The following GRIN2B variants were observed in gnomAD, a reference collection of about 807,000 sequenced individuals.
The protein encoded by GRIN2B is glutamate receptor ionotropic, NMDA 2B.
Under a neutral mutation model 114.5 loss-of-function variants are expected in GRIN2B, and 5 were observed. The ratio of observed to expected loss-of-function variants is 0.04; its 90% CI spans 0.02 to 0.09. The LOEUF (loss-of-function observed/expected upper bound fraction) is 0.09, where lower values mean the gene tolerates loss of function less well. Ranked by LOEUF, GRIN2B falls within the 10% of genes least tolerant of loss-of-function variation. The pLI is 1.00. For synonymous variants in GRIN2B, 787 were observed against 745.1 expected (o/e 1.06, Z -0.92); for missense variants, 1,108 against 1,943.5 (o/e 0.57, Z 8.08).
At chr12:13,643,028 A>G (rs1215649707) in intron 5 of GRIN2B, among the ~76,000 whole-genome samples, 1 of 152,212 alleles carries the variant, frequency 6.6e-6, no homozygotes, top group Non-Finnish European at 1.5e-5. Flanking sequence ...ACCACACAAT[A>G]GAGAACTGTC....
intron 10 of GRIN2B, among the ~76,000 whole-genome samples, chr12:13,604,823 G>A (rs1352630140): frequency 6.6e-6 from 1 of 152,182 alleles, no homozygotes; most frequent in African/African-American, 2.4e-5. Context: ...CTGATATGCA[G>A]TCATTAGTTA....
intron 10 of GRIN2B, among the ~76,000 whole-genome samples, chr12:13,572,651 A>G (rs1049388002): frequency 6.6e-6 from 1 of 152,260 alleles, no homozygotes; most frequent in Non-Finnish European, 1.5e-5. Flanking sequence ...TTTCATCCCT[A>G]TGACATCAGC....
At chr12:13,633,465 C>G (rs1380620639) in intron 5 of GRIN2B, among the ~76,000 whole-genome samples, 3 of 152,138 alleles carry the variant, frequency 2.0e-5, no homozygotes, top group African/African-American at 7.2e-5. Context: ...AGGATACTGG[C>G]CTGTGCCACT....
chr12:13,696,092 A>C (rs1591681738), intron 4 of GRIN2B, among the ~76,000 whole-genome samples: 2 of 152,162 alleles, frequency 1.3e-5, no homozygotes, highest in East Asian at 3.9e-4. Context: ...AGGTGAGCTG[A>C]CTGGTTCTTA....
At chr12:13,886,190 G>T (rs17834080) in intron 2 of GRIN2B, among the ~76,000 whole-genome samples, 26,075 of 152,142 alleles carry the variant, frequency 0.17, 3,022 homozygotes, top group Non-Finnish European at 0.26. Flanking sequence ...TAAAGGCAAA[G>T]ATTATTTTCA....
At chr12:13,956,524 T>C (rs1286903363) in intron 2 of GRIN2B, among the ~76,000 whole-genome samples, 1 of 152,226 alleles carries the variant, frequency 6.6e-6, no homozygotes, top group East Asian at 1.9e-4. Flanking sequence ...TTCTGTTCTA[T>C]AAGCCTCTGT....
intron 5 of GRIN2B, among the ~76,000 whole-genome samples, chr12:13,674,154 G>A (rs1270925753): frequency 6.6e-6 from 1 of 151,932 alleles, no homozygotes; most frequent in Non-Finnish European, 1.5e-5. Context: ...GAGGCCAGGA[G>A]TTCAAGACCA....
chr12:13,708,932 T>C (rs1426142348), intron 4 of GRIN2B, among the ~76,000 whole-genome samples: 1 of 152,100 alleles, frequency 6.6e-6, no homozygotes, highest in Admixed American at 6.6e-5. Flanking sequence ...AAAGCTTAAA[T>C]TCTAATGGTG....
At chr12:13,823,502 A>C (rs1202391263) in intron 3 of GRIN2B, among the ~76,000 whole-genome samples, 4 of 152,100 alleles carry the variant, frequency 2.6e-5, no homozygotes, top group African/African-American at 9.7e-5. Context: ...ATTTTTGTAT[A>C]TTAACTTTGT....
intron 4 of GRIN2B, among the ~76,000 whole-genome samples, chr12:13,676,837 A>G (rs1250648165): frequency 2.6e-5 from 4 of 152,292 alleles, no homozygotes; most frequent in African/African-American, 9.6e-5. Flanking sequence ...CTATTACACT[A>G]TGTATAGGGA....
intron 2 of GRIN2B, among the ~76,000 whole-genome samples, chr12:13,867,701 C>T (rs11055652): frequency 0.15 from 23,444 of 152,044 alleles, 2,314 homozygotes; most frequent in Middle Eastern, 0.22. Context: ...AGAAGCTCAA[C>T]ACAGTTATGT....
chr12:13,667,575 G>T (rs1455080337), intron 5 of GRIN2B, among the ~76,000 whole-genome samples: 1 of 152,114 alleles, frequency 6.6e-6, no homozygotes, highest in South Asian at 2.1e-4. Flanking sequence ...TCTAATCATA[G>T]GGAACCAGTT....
intron 3 of GRIN2B, among the ~76,000 whole-genome samples, chr12:13,760,089 T>C (rs1419898336): frequency 2.0e-5 from 3 of 152,210 alleles, no homozygotes; most frequent in Non-Finnish European, 4.4e-5. Context: ...CTGTCCTCAC[T>C]TTTCATAGGC....
chr12:13,813,796 T>C (rs891261012), intron 3 of GRIN2B, among the ~76,000 whole-genome samples: 4 of 152,232 alleles, frequency 2.6e-5, no homozygotes, highest in African/African-American at 9.6e-5. Flanking sequence ...TACATGTCAA[T>C]AGGGGTGTGT....
At position 13,611,734 on chromosome 12, in the gene GRIN2B, C is replaced by T; in HGVS notation, c.1771G>A (p.Asp591Asn). ...TTCCAGCCGGCCTTACCTCTGCCAT[C>T]AGCGAGGCACCTGTTATAACCCACA... ...SPVGYNRCLA[D>N]GREPGGPSFT... Residue 591 changes from aspartate (D) to asparagine (N), a missense_variant, in exon 9 of 14, where the codon GAT becomes AAT. This residue lies in a region of GRIN2B where 24 missense variants were observed against 38.1 expected (regional missense o/e 0.63). Coordinates refer to ENST00000609686, the MANE Select transcript of GRIN2B (RefSeq NM_000834.5). 1 of 1,613,926 alleles carries T rather than the reference C, an allele frequency of 6.2e-7. No homozygotes were observed. Among genetic ancestry groups the T allele is most frequent in the Non-Finnish European group, 8.5e-7 (1 of 1,179,820 alleles).
chr12:13,604,994 C>G (rs982223062), intron 10 of GRIN2B, among the ~76,000 whole-genome samples: 1 of 150,436 alleles, frequency 6.6e-6, no homozygotes, highest in Middle Eastern at 3.4e-3. Flanking sequence ...GCTTTCTTTG[C>G]CTGTGATTCT....
At chr12:13,794,986 G>A (rs978696491) in intron 3 of GRIN2B, among the ~76,000 whole-genome samples, 3 of 152,244 alleles carry the variant, frequency 2.0e-5, no homozygotes, top group Non-Finnish European at 4.4e-5. Context: ...CTCCTGGGAT[G>A]GCTGGATAAG....
At chr12:13,803,483 TAA>T (rs1338612759) in intron 3 of GRIN2B, among the ~76,000 whole-genome samples, 1 of 152,204 alleles carries the variant, frequency 6.6e-6, no homozygotes, top group Non-Finnish European at 1.5e-5. Context: ...CTATGGAGAT[TAA>T]AAGTTAGTTC....
intron 3 of GRIN2B, among the ~76,000 whole-genome samples, chr12:13,825,429 G>A (rs1252218757): frequency 3.4e-5 from 5 of 147,600 alleles, no homozygotes; most frequent in African/African-American, 1.2e-4. Flanking sequence ...ATTCTAGAAA[G>A]GTCAATTTGG....
Sources: gnomAD v4.1 joint callset for allele counts (sites outside exome capture counted in the v4.1 genomes callset) on GRCh38, gnomAD v4.1.1 for gene constraint, gnomAD v4.1.1 regional missense constraint, MANE v1.5 for transcripts, NCBI Gene and HGNC (gene_info 2026-07-23, HGNC 2026-07-21) for gene names.